PRPF18: variants seen among roughly 807,000 people sequenced by gnomAD.
PRPF18 encodes the protein pre-mRNA-splicing factor 18.
Under a neutral mutation model 46.5 loss-of-function variants are expected in PRPF18, and 38 were observed. That is an observed-to-expected ratio of 0.82 (90% CI 0.63 to 1.07). The LOEUF is 1.07. Among genes scored for constraint, PRPF18 ranks in the 50% least tolerant of loss-of-function variants. PRPF18 has a pLI of 0.00. For synonymous variants in PRPF18, 152 were observed against 146.7 expected (o/e 1.04, Z -0.26); for missense variants, 263 against 410.0 (o/e 0.64, Z 3.10).
chr10:13,649,019 A>G, the PRPF18 span, among the ~76,000 whole-genome samples: 1 of 152,228 alleles, frequency 6.6e-6, no homozygotes, highest in South Asian at 2.1e-4. Flanking sequence ...GGTTCTGAGA[A>G]GTCCTGGATT....
chr10:13,616,347 G>C, intron 8 of PRPF18, 51 bp from the exon 9 acceptor site: 1 of 1,519,938 alleles, frequency 6.6e-7, no homozygotes, highest in Non-Finnish European at 9.0e-7. Flanking sequence ...AAGAATTTGA[G>C]CCAGTACAAC....
intron 1 of PRPF18, among the ~76,000 whole-genome samples, chr10:13,594,654 T>C (rs906171052): frequency 2.0e-5 from 3 of 152,242 alleles, no homozygotes; most frequent in Non-Finnish European, 4.4e-5. Flanking sequence ...AAAATCTCAT[T>C]AATATCACCA....
the PRPF18 span, chr10:13,651,651 CAACAGAACAAGACTCTGTCTCAA>C: frequency 2.2e-6 from 1 of 453,356 alleles, no homozygotes; most frequent in Non-Finnish European, 4.0e-6. Flanking sequence ...CCAGCCTGGG[CAACAGAACAAGACTCTGTCTCAA>C]AACAAAACAT....
At chr10:13,636,186 C>A in the PRPF18 span, among the ~76,000 whole-genome samples, 2 of 152,214 alleles carry the variant, frequency 1.3e-5, no homozygotes, top group African/African-American at 2.4e-5. Flanking sequence ...CTCTGCGAAG[C>A]CAAGGCGGGC....
At position 13,611,594 on chromosome 10, in the gene PRPF18, G is replaced by A. The variant is rs750163326; in HGVS notation, c.511-21G>A. 17 of 1,604,524 alleles carry A rather than the reference G, an allele frequency of 1.1e-5. No individual in the cohort carries two copies. The East Asian group carries it at 2.2e-4, about 21-fold the overall frequency. On this transcript the variant is annotated intron_variant, in intron 5 of 9. Coordinates refer to ENST00000378572, the MANE Select transcript of PRPF18 (RefSeq NM_003675.4). ...TGTTGCTCTGTATTAATGAACAGAAGCATTGTTTCTTTTTCTTCAGGCGCT... is the reference window on the plus strand; with the variant it reads ...TGTTGCTCTGTATTAATGAACAGAAACATTGTTTCTTTTTCTTCAGGCGCT...
chr10:13,603,759 G>T (rs927268875), intron 3 of PRPF18, among the ~76,000 whole-genome samples: 1 of 152,146 alleles, frequency 6.6e-6, no homozygotes, highest in Non-Finnish European at 1.5e-5. Flanking sequence ...CATGTTTGTA[G>T]TATTATTATT....
At chr10:13,653,880 TTTG>T in the PRPF18 span, 1 of 162,696 alleles carries the variant, frequency 6.1e-6, no homozygotes, top group Non-Finnish European at 1.3e-5. Flanking sequence ...TTTCATTAAT[TTTG>T]TTGTGTGCAG....
the PRPF18 span, chr10:13,644,585 A>G: frequency 6.6e-6 from 1 of 152,182 alleles, no homozygotes; most frequent in Non-Finnish European, 1.5e-5. Context: ...CATTCCTTGC[A>G]ACTCCAGTGG....
the PRPF18 span, chr10:13,651,728 A>AT: frequency 1.6e-6 from 1 of 612,652 alleles, no homozygotes; most frequent in Middle Eastern, 2.6e-4. Context: ...GAATATCATA[A>AT]TTTTGATGTA....
At chr10:13,649,800 A>G in the PRPF18 span, among the ~76,000 whole-genome samples, 8 of 152,218 alleles carry the variant, frequency 5.3e-5, no homozygotes, top group Non-Finnish European at 1.0e-4. Flanking sequence ...GTGCTACGAA[A>G]GAGACCCTTA....
At position 13,626,780 on chromosome 10, in the gene PRPF18, T is replaced by C. The variant is rs536298899; in HGVS notation, c.949-3480T>C. ...GAAAGAGTGAGGTAGAGGACTGCTA[T>C]TATTTGATACAAGAATCGTGTGATT... On this transcript the variant is annotated intron_variant, in intron 9 of 9. Transcript: ENST00000378572. Among the ~76,000 whole-genome samples the C allele has an allele frequency of 3.3e-5, 5 of 149,940 alleles. No homozygotes were observed. In the South Asian group the frequency reaches 6.4e-4, roughly 19 times the overall value.
At chr10:13,599,718 C>A (rs1279120345) in intron 2 of PRPF18, among the ~76,000 whole-genome samples, 1 of 152,184 alleles carries the variant, frequency 6.6e-6, no homozygotes, top group African/African-American at 2.4e-5. Context: ...AGGAATTTTT[C>A]TGTATGTCCA....
At chr10:13,615,274 T>A (rs1174223894) in intron 8 of PRPF18, among the ~76,000 whole-genome samples, 4 of 152,218 alleles carry the variant, frequency 2.6e-5, no homozygotes, top group African/African-American at 9.6e-5. Context: ...ATATCAGAAC[T>A]AAGTGCAAGT....
At chr10:13,646,289 G>A in the PRPF18 span, 16 of 152,632 alleles carry the variant, frequency 1.0e-4, no homozygotes, top group African/African-American at 3.9e-4. Context: ...CAGAAAGAAT[G>A]TCTTCCTCTT....
intron 1 of PRPF18, among the ~76,000 whole-genome samples, chr10:13,587,725 T>C (rs1181179488): frequency 1.3e-5 from 2 of 152,236 alleles, no homozygotes; most frequent in Non-Finnish European, 2.9e-5. Flanking sequence ...CGGAAAACTT[T>C]GTAACCGGGG....
chr10:13,642,854 C>T, the PRPF18 span: 2 of 152,218 alleles, frequency 1.3e-5, no homozygotes, highest in Non-Finnish European at 2.9e-5. Flanking sequence ...GATGGGCTCA[C>T]TTCCAGATGT....
the PRPF18 span, chr10:13,649,467 T>C: frequency 7.8e-6 from 1 of 127,442 alleles, no homozygotes. Context: ...AGATGCTGGA[T>C]TGGTGGTTTG....
intron 9 of PRPF18, among the ~76,000 whole-genome samples, chr10:13,629,321 CT>C (rs2080558215): frequency 6.6e-6 from 1 of 152,138 alleles, no homozygotes; most frequent in South Asian, 2.1e-4. Flanking sequence ...CCAGGTCACG[CT>C]TGGAATGTTG....
At chr10:13,614,636 T>C (rs1325556018) in intron 8 of PRPF18, among the ~76,000 whole-genome samples, 1 of 152,160 alleles carries the variant, frequency 6.6e-6, no homozygotes, top group Non-Finnish European at 1.5e-5. Flanking sequence ...TGGAAGTCTC[T>C]CCTCCCTTGC....
Sources: gnomAD v4.1 joint callset for allele counts (sites outside exome capture counted in the v4.1 genomes callset) on GRCh38, gnomAD v4.1.1 for gene constraint, MANE v1.5 for transcripts, NCBI Gene and HGNC (gene_info 2026-07-23, HGNC 2026-07-21) for gene names.